Variants in MAD1L1 observed in about 807,000 individuals in gnomAD.
The protein encoded by MAD1L1 is mitotic arrest deficient 1 like 1.
MAD1L1 carries 95 observed loss-of-function variants against 96.9 expected under a neutral mutation model. That is an observed-to-expected ratio of 0.98 (90% CI 0.83 to 1.16). The LOEUF is 1.16. Ranked by LOEUF, MAD1L1 falls within the 50% of genes most tolerant of loss-of-function variation. The pLI, the probability that MAD1L1 is intolerant of heterozygous loss-of-function variation, is 0.00. For missense variants in MAD1L1, 1,007 were observed against 954.4 expected (o/e 1.06, Z -0.73); for synonymous variants, 473 against 396.6 (o/e 1.19, Z -2.29).
intron 18 of MAD1L1, among the ~76,000 whole-genome samples, chr7:1,894,445 C>T (rs1280903739): frequency 6.6e-6 from 1 of 152,184 alleles, no homozygotes; most frequent in Non-Finnish European, 1.5e-5. Context: ...GGAGCTGAAC[C>T]AGCCAACAGG....
At chr7:2,080,496 T>C (rs1785585795) in intron 11 of MAD1L1, among the ~76,000 whole-genome samples, 1 of 152,068 alleles carries the variant, frequency 6.6e-6, no homozygotes, top group African/African-American at 2.4e-5. Flanking sequence ...GCAAAAACAG[T>C]AATAACCACC....
At chr7:2,042,027 A>G (rs762659423) in intron 12 of MAD1L1, among the ~76,000 whole-genome samples, 11 of 152,118 alleles carry the variant, frequency 7.2e-5, no homozygotes, top group Non-Finnish European at 1.6e-4. Context: ...ACTTAGACAC[A>G]CACACGCACA....
intron 12 of MAD1L1, among the ~76,000 whole-genome samples, chr7:2,065,971 C>T (rs778882981): frequency 2.2e-4 from 34 of 152,244 alleles, no homozygotes; most frequent in Non-Finnish European, 2.6e-4. Context: ...TCATTTCAAA[C>T]AGGAAAATGG....
At chr7:2,102,011 T>A (rs1241369040) in intron 11 of MAD1L1, among the ~76,000 whole-genome samples, 1 of 152,070 alleles carries the variant, frequency 6.6e-6, no homozygotes, top group African/African-American at 2.4e-5. Context: ...CTCGCTGACC[T>A]TGGACCCTCC....
chr7:2,099,262 C>T (rs1470757779), intron 11 of MAD1L1, among the ~76,000 whole-genome samples: 1 of 152,204 alleles, frequency 6.6e-6, no homozygotes, highest in Non-Finnish European at 1.5e-5. Flanking sequence ...CCCACAGCCC[C>T]GCCTGCCCTG....
chr7:2,017,488 G>A (rs568518258), intron 12 of MAD1L1, among the ~76,000 whole-genome samples: 2 of 152,192 alleles, frequency 1.3e-5, no homozygotes, highest in African/African-American at 4.8e-5. Context: ...TGGATACACC[G>A]GCCGATGGGG....
intron 11 of MAD1L1, among the ~76,000 whole-genome samples, chr7:2,082,451 G>A (rs746283570): frequency 1.8e-4 from 28 of 152,178 alleles, no homozygotes; most frequent in Non-Finnish European, 3.4e-4. Context: ...GGAGCTCAGC[G>A]GAGCTGCTGT....
At chr7:1,987,537 T>C (rs1369422653) in intron 14 of MAD1L1, among the ~76,000 whole-genome samples, 1 of 149,846 alleles carries the variant, frequency 6.7e-6, no homozygotes, top group Non-Finnish European at 1.5e-5. Flanking sequence ...CGTGTAGACA[T>C]ATCAGTATTT....
chr7:2,002,052 G>A lies in MAD1L1; in HGVS notation c.1416+13C>T, dbSNP rs370136955. 125 of 1,612,984 alleles carry A rather than the reference G, an allele frequency of 7.7e-5. No individual in the cohort carries two copies. The highest frequency in any genetic ancestry group is 7.7e-4 in the African/African-American group (58 of 75,060). On this transcript the variant is annotated intron_variant, in intron 14 of 18. Coordinates refer to ENST00000265854, the MANE Select transcript of MAD1L1 (RefSeq NM_001013836.2). ...GGTGCCCTGAATCCCAGCCACTCCC[G>A]CGTCTGACTCACCATGTCTGCTCTT...
chr7:2,200,758 C>G (rs1049005486), intron 10 of MAD1L1, among the ~76,000 whole-genome samples: 1 of 152,246 alleles, frequency 6.6e-6, no homozygotes, highest in Non-Finnish European at 1.5e-5. Context: ...TTCATGCACA[C>G]GGCCCCCCTG....
At chr7:2,129,076 G>A (rs965800071) in intron 11 of MAD1L1, among the ~76,000 whole-genome samples, 5 of 152,192 alleles carry the variant, frequency 3.3e-5, no homozygotes, top group African/African-American at 7.2e-5. Context: ...TGGGTTTGTG[G>A]GCAGGCAGCT....
At chr7:1,983,289 GTATC>G (rs1282362840) in intron 14 of MAD1L1, among the ~76,000 whole-genome samples, 2 of 152,192 alleles carry the variant, frequency 1.3e-5, no homozygotes, top group African/African-American at 2.4e-5. Flanking sequence ...AGTGCTCAAA[GTATC>G]TGCGCTTTGA....
intron 16 of MAD1L1, among the ~76,000 whole-genome samples, chr7:1,954,592 A>G (rs1779643594): frequency 6.6e-6 from 1 of 152,168 alleles, no homozygotes; most frequent in South Asian, 2.1e-4. Flanking sequence ...GGCTGCACCA[A>G]TAGCCATGGG....
chr7:1,828,409 A>G (rs1249922271), intron 18 of MAD1L1, among the ~76,000 whole-genome samples: 5 of 152,150 alleles, frequency 3.3e-5, no homozygotes. Flanking sequence ...GCTCAGTGAG[A>G]GGCTGAGAAA....
At position 2,091,744 on chromosome 7, in the gene MAD1L1, A is replaced by C. The variant is rs372581683; in HGVS notation, c.1074-22406T>G. Among the ~76,000 whole-genome samples the C allele has an allele frequency of 7.7e-4, 117 of 151,658 alleles. 1 individual carries two copies. The highest frequency in any genetic ancestry group is 2.5e-3 in the African/African-American group (104 of 41,370). On this transcript the variant is annotated intron_variant, in intron 11 of 18. Transcript: ENST00000265854. ...TGAGCAGAGATCACGCCACTGCACT[A>C]CAGCCTGGGCGACAGAGCGAGACTC...
chr7:1,889,531 G>T (rs1187336661), intron 18 of MAD1L1, among the ~76,000 whole-genome samples: 1 of 152,144 alleles, frequency 6.6e-6, no homozygotes, highest in Non-Finnish European at 1.5e-5. Context: ...GGCCTGCACC[G>T]GTGGTTCTGA....
At chr7:2,043,197 G>A (rs921399444) in intron 12 of MAD1L1, among the ~76,000 whole-genome samples, 4 of 152,170 alleles carry the variant, frequency 2.6e-5, no homozygotes, top group Admixed American at 6.5e-5. Context: ...ACAAGAAAAC[G>A]ACCCTGCCAC....
intron 15 of MAD1L1, among the ~76,000 whole-genome samples, chr7:1,969,362 A>G (rs1032311706): frequency 6.6e-6 from 1 of 152,204 alleles, no homozygotes; most frequent in South Asian, 2.1e-4. Flanking sequence ...AGCCTGGGTG[A>G]CAGAGCGAAA....
chr7:1,934,969 G>T (rs917137094), intron 17 of MAD1L1, among the ~76,000 whole-genome samples: 4 of 144,522 alleles, frequency 2.8e-5, no homozygotes, highest in Admixed American at 1.4e-4. Flanking sequence ...ACAAGGGAAC[G>T]AACAGATGGG....
Sources: allele counts gnomAD v4.1 joint callset (sites outside exome capture counted in the v4.1 genomes callset), GRCh38; gene constraint gnomAD v4.1.1; transcripts MANE v1.5; gene names NCBI Gene and HGNC (gene_info 2026-07-23, HGNC 2026-07-21).